Variants in PLD5 observed in about 807,000 individuals in gnomAD.
PLD5 encodes the protein phospholipase D family member 5.
PLD5 carries 36 observed loss-of-function variants against 61.1 expected under a neutral mutation model. The ratio of observed to expected loss-of-function variants is 0.59; its 90% CI spans 0.45 to 0.78. The LOEUF is 0.78. Ranked by LOEUF, PLD5 falls within the 30% of genes least tolerant of loss-of-function variation. The probability of loss-of-function intolerance (pLI) is 0.00; values close to 1 mark genes in which losing one functional copy is unlikely to be tolerated. For missense variants in PLD5, 515 were observed against 644.4 expected (o/e 0.80, Z 2.17); for synonymous variants, 243 against 242.8 (o/e 1.00, Z -0.01).
intron 1 of PLD5, among the ~76,000 whole-genome samples, chr1:242,389,567 G>C (rs12094339): frequency 0.017 from 2,511 of 151,794 alleles, 79 homozygotes; most frequent in African/African-American, 0.058. Flanking sequence ...TACTCTGAGG[G>C]GGGGAAAATC....
chr1:242,413,278 AT>A (rs1664652279), intron 1 of PLD5, among the ~76,000 whole-genome samples: 1 of 147,304 alleles, frequency 6.8e-6, no homozygotes. Flanking sequence ...CCAAAATCAT[AT>A]TTTTCTAACC....
At chr1:242,402,235 A>G (rs993635760) in intron 1 of PLD5, among the ~76,000 whole-genome samples, 12 of 152,232 alleles carry the variant, frequency 7.9e-5, no homozygotes, top group African/African-American at 2.7e-4. Context: ...TGGAACAAAT[A>G]AGATTATTCA....
At chr1:242,379,415 T>C (rs985518252) in intron 1 of PLD5, among the ~76,000 whole-genome samples, 1 of 152,154 alleles carries the variant, frequency 6.6e-6, no homozygotes, top group Non-Finnish European at 1.5e-5. Flanking sequence ...AAGCCATGTG[T>C]ATAAATTTGG....
At chr1:242,251,329 G>A (rs896438277) in intron 4 of PLD5, among the ~76,000 whole-genome samples, 2 of 152,192 alleles carry the variant, frequency 1.3e-5, no homozygotes, top group Admixed American at 1.3e-4. Flanking sequence ...GAATGATAGT[G>A]TATTCAAAAT....
At chr1:242,369,259 A>T (rs1193686947) in intron 1 of PLD5, among the ~76,000 whole-genome samples, 2 of 152,174 alleles carry the variant, frequency 1.3e-5, no homozygotes, top group African/African-American at 4.8e-5. Flanking sequence ...TAATGGGTGG[A>T]GGTTGGGGAA....
At chr1:242,411,664 T>C (rs1664566514) in intron 1 of PLD5, among the ~76,000 whole-genome samples, 2 of 152,240 alleles carry the variant, frequency 1.3e-5, no homozygotes, top group Admixed American at 6.5e-5. Context: ...AATGTTTTAA[T>C]TGAAATTTTT....
intron 4 of PLD5, among the ~76,000 whole-genome samples, chr1:242,228,903 C>T (rs907890699): frequency 1.3e-5 from 2 of 152,180 alleles, no homozygotes; most frequent in Non-Finnish European, 2.9e-5. Context: ...GCATAAATTA[C>T]TTGTCATTTA....
intron 6 of PLD5, among the ~76,000 whole-genome samples, chr1:242,120,227 G>A (rs971993556): frequency 3.3e-5 from 5 of 152,162 alleles, no homozygotes; most frequent in Admixed American, 6.5e-5. Context: ...GTGAAAAAAA[G>A]TTCTAAAATC....
intron 4 of PLD5, among the ~76,000 whole-genome samples, chr1:242,238,397 G>A (rs1210762107): frequency 6.6e-6 from 1 of 152,120 alleles, no homozygotes; most frequent in Admixed American, 6.6e-5. Flanking sequence ...CCTATTGTTG[G>A]CTGCAGGAGC....
At chr1:242,233,167 A>G (rs1671418545) in intron 4 of PLD5, among the ~76,000 whole-genome samples, 1 of 151,946 alleles carries the variant, frequency 6.6e-6, no homozygotes, top group South Asian at 2.1e-4. Context: ...TGAATGAATG[A>G]ATGAATGAAT....
chr1:242,320,780 C>CA (rs1558461559), intron 2 of PLD5, among the ~76,000 whole-genome samples: 2 of 152,152 alleles, frequency 1.3e-5, no homozygotes, highest in African/African-American at 2.4e-5. Context: ...CTGGGGAGCT[C>CA]AAAATCTAAT....
rs1360869131 is a variant in PLD5, at chr1:242,084,721, T to A, written c.*5133A>T. The A allele has an allele frequency of 6.6e-6, 1 of 150,634 alleles. No individual in the cohort carries two copies. Among genetic ancestry groups the A allele is most frequent in the South Asian group, 2.1e-4 (1 of 4,752 alleles). The allele number at this position is 150,634 out of a possible 1,614,324, so 9.3% of individuals were successfully genotyped here. ...GTTTCTTTTTCTCACTAAAAATTAA[T>A]GTACTCAGAATGAACATTTATTGGA... is the stretch of plus-strand genomic sequence containing the variant. On this transcript the variant is annotated 3_prime_UTR_variant, in exon 10 of 10. Transcript: ENST00000536534.
chr1:242,416,260 G>A (rs994831083), intron 1 of PLD5, among the ~76,000 whole-genome samples: 1 of 151,942 alleles, frequency 6.6e-6, no homozygotes, highest in Non-Finnish European at 1.5e-5. Context: ...AATTAGGTTG[G>A]CCATACATTG....
chr1:242,518,723 C>T (rs1669184416), intron 1 of PLD5, among the ~76,000 whole-genome samples: 1 of 152,124 alleles, frequency 6.6e-6, no homozygotes, highest in Non-Finnish European at 1.5e-5. Context: ...TTCAATCATC[C>T]AGAGCTTCTC....
At chr1:242,305,921 C>T (rs369261012) in intron 2 of PLD5, among the ~76,000 whole-genome samples, 1 of 152,126 alleles carries the variant, frequency 6.6e-6, no homozygotes, top group African/African-American at 2.4e-5. Flanking sequence ...GGAGATGCAC[C>T]AAGGTAGAGA....
intron 1 of PLD5, among the ~76,000 whole-genome samples, chr1:242,458,762 T>G (rs1391359309): frequency 6.6e-6 from 1 of 152,244 alleles, no homozygotes; most frequent in Admixed American, 6.5e-5. Flanking sequence ...TTGTATTGAC[T>G]CATCCTTTAA....
intron 1 of PLD5, among the ~76,000 whole-genome samples, chr1:242,506,648 T>C (rs927515200): frequency 2.0e-5 from 3 of 152,112 alleles, no homozygotes; most frequent in African/African-American, 7.2e-5. Flanking sequence ...CATAAAGGAA[T>C]AGGCCCTAGG....
rs1659371451 is a variant in PLD5, at chr1:242,084,573, C to T, written c.*5281G>A. 1 of 151,994 alleles carries T rather than the reference C, an allele frequency of 6.6e-6. No homozygotes were observed. The highest frequency in any genetic ancestry group is 1.5e-5 in the Non-Finnish European group (1 of 68,022). The allele number at this position is 151,994 out of a possible 1,614,324, so 9.4% of individuals were successfully genotyped here. A position where few individuals can be genotyped will look rare whatever the true frequency, so the allele number is the denominator to read the frequency against. On this transcript the variant is annotated 3_prime_UTR_variant, in exon 10 of 10. Transcript: ENST00000536534. ...ACACTCTAGGCTGTCAACTTCTATG[C>T]CCAAATGGGAAGGGAATTTACACGT... is the stretch of plus-strand genomic sequence containing the variant.
At chr1:242,197,697 C>T (rs1458435816) in intron 5 of PLD5, among the ~76,000 whole-genome samples, 1 of 150,542 alleles carries the variant, frequency 6.6e-6, no homozygotes, top group African/African-American at 2.5e-5. Context: ...TGCAATGATG[C>T]GATCTCAGCT....
Sources: allele counts gnomAD v4.1 joint callset (sites outside exome capture counted in the v4.1 genomes callset), GRCh38; gene constraint gnomAD v4.1.1; transcripts MANE v1.5; gene names NCBI Gene and HGNC (gene_info 2026-07-23, HGNC 2026-07-21).